MACROD2: variants seen among roughly 807,000 people sequenced by gnomAD.
MACROD2 encodes mono-ADP ribosylhydrolase 2.
MACROD2 carries 36 observed loss-of-function variants against 70.4 expected under a neutral mutation model. That is an observed-to-expected ratio of 0.51 (90% CI 0.39 to 0.68). The LOEUF is 0.68. Ranked by LOEUF, MACROD2 falls within the 30% of genes least tolerant of loss-of-function variation. The pLI is 0.00. For synonymous variants in MACROD2, 172 were observed against 178.8 expected (o/e 0.96, Z 0.30); for missense variants, 496 against 538.4 (o/e 0.92, Z 0.78).
At chr20:16,001,060 A>T (rs1193149864) in intron 15 of MACROD2, among the ~76,000 whole-genome samples, 2 of 152,206 alleles carry the variant, frequency 1.3e-5, no homozygotes, top group East Asian at 3.8e-4. Context: ...TCCAGATCCT[A>T]CTGATTGTGC....
intron 6 of MACROD2, among the ~76,000 whole-genome samples, chr20:15,261,543 G>A (rs2077249591): frequency 6.6e-6 from 1 of 151,830 alleles, no homozygotes; most frequent in South Asian, 2.1e-4. Flanking sequence ...AATCAATCCT[G>A]AACAATTTTT....
rs953250267 is a variant in MACROD2, at chr20:15,322,034, G to A, written c.540+91973G>A. On this transcript the variant is annotated intron_variant, in intron 6 of 17. Coordinates refer to ENST00000684519, the MANE Select transcript of MACROD2 (RefSeq NM_001351661.2). ...TCTCAATCTCTTGACCTTGTGATCTGCCCGCCTCGGCCTCCCAAAGTGCTG... is the reference window on the plus strand; with the variant it reads ...TCTCAATCTCTTGACCTTGTGATCTACCCGCCTCGGCCTCCCAAAGTGCTG... Among the ~76,000 whole-genome samples the A allele has an allele frequency of 2.1e-5, 3 of 143,428 alleles. 1 individual carries two copies. Among genetic ancestry groups the A allele is most frequent in the African/African-American group, 7.5e-5 (3 of 40,078 alleles). The allele number at this position is 143,428 out of a possible 152,430, so 94.1% of individuals were successfully genotyped here.
chr20:15,909,539 T>G (rs2065202006), intron 10 of MACROD2, among the ~76,000 whole-genome samples: 1 of 134,494 alleles, frequency 7.4e-6, no homozygotes, highest in South Asian at 2.4e-4. Context: ...TTTTTTTTTT[T>G]TTGAGACGGA....
chr20:14,146,791 A>T (rs1050991007), intron 3 of MACROD2, among the ~76,000 whole-genome samples: 4 of 152,164 alleles, frequency 2.6e-5, no homozygotes, highest in African/African-American at 9.7e-5. Context: ...AGACATCAAG[A>T]GGTTAAAGTC....
chr20:15,185,803 T>A (rs1312640431), intron 5 of MACROD2, among the ~76,000 whole-genome samples: 2 of 152,166 alleles, frequency 1.3e-5, no homozygotes, highest in Non-Finnish European at 2.9e-5. Context: ...GCTAAATAAG[T>A]CTTATTCTAA....
chr20:14,659,350 C>G (rs1271872879), intron 4 of MACROD2, among the ~76,000 whole-genome samples: 2 of 152,014 alleles, frequency 1.3e-5, no homozygotes, highest in Non-Finnish European at 2.9e-5. Context: ...ATTCATTAAT[C>G]TCTATTCATT....
At chr20:14,425,030 G>A (rs536815458) in intron 3 of MACROD2, among the ~76,000 whole-genome samples, 5 of 152,194 alleles carry the variant, frequency 3.3e-5, no homozygotes, top group Non-Finnish European at 7.4e-5. Context: ...CTTTGAACAC[G>A]CAAAACAATA....
At chr20:15,053,050 G>A (rs1258186727) in intron 5 of MACROD2, among the ~76,000 whole-genome samples, 2 of 152,200 alleles carry the variant, frequency 1.3e-5, no homozygotes, top group African/African-American at 4.8e-5. Flanking sequence ...GTTCTGTGAA[G>A]TTTGAGAAAG....
intron 8 of MACROD2, among the ~76,000 whole-genome samples, chr20:15,715,529 G>A (rs935598089): frequency 6.6e-6 from 1 of 151,980 alleles, no homozygotes; most frequent in Non-Finnish European, 1.5e-5. Flanking sequence ...GATAATCAAG[G>A]CTCCATCACT....
chr20:15,205,251 A>G lies in MACROD2; in HGVS notation c.419-24689A>G, dbSNP rs56212487. Among the ~76,000 whole-genome samples, 555 of 152,294 alleles carry G rather than the reference A, an allele frequency of 3.6e-3. 3 individuals are homozygous for G. The highest frequency in any genetic ancestry group is 8.3e-3 in the African/African-American group (344 of 41,570). ...TCCCATAGCTTGTCTGCTATTTTCA[A>G]CACACACTATGGCATGACTCAGTCA... On this transcript the variant is annotated intron_variant, in intron 5 of 17. Coordinates refer to ENST00000684519, the MANE Select transcript of MACROD2 (RefSeq NM_001351661.2).
intron 6 of MACROD2, among the ~76,000 whole-genome samples, chr20:15,337,351 G>A (rs1441822105): frequency 6.6e-6 from 1 of 151,642 alleles, no homozygotes; most frequent in Non-Finnish European, 1.5e-5. Context: ...GCCTGATCTA[G>A]GAAAGACTTC....
intron 4 of MACROD2, among the ~76,000 whole-genome samples, chr20:14,579,244 C>T (rs1015528953): frequency 6.6e-6 from 1 of 150,846 alleles, no homozygotes; most frequent in East Asian, 2.0e-4. Flanking sequence ...CGGGTTCACG[C>T]CATTCTCCTG....
chr20:14,385,071 C>A (rs558634476), intron 3 of MACROD2, among the ~76,000 whole-genome samples: 2 of 152,100 alleles, frequency 1.3e-5, no homozygotes, highest in South Asian at 4.1e-4. Context: ...TAGAAGCCAT[C>A]AAATTGGGGA....
At chr20:15,537,736 AGTGC>A (rs1334497158) in intron 8 of MACROD2, among the ~76,000 whole-genome samples, 1 of 152,070 alleles carries the variant, frequency 6.6e-6, no homozygotes, top group African/African-American at 2.4e-5. Flanking sequence ...GGCCTCCCAA[AGTGC>A]TGGGATTACA....
chr20:14,705,809 A>G (rs1405914775), intron 5 of MACROD2, among the ~76,000 whole-genome samples: 1 of 152,156 alleles, frequency 6.6e-6, no homozygotes, highest in African/African-American at 2.4e-5. Context: ...TTCAAACATT[A>G]ATGATTCTAG....
intron 15 of MACROD2, among the ~76,000 whole-genome samples, chr20:16,007,353 T>C (rs1452905583): frequency 2.6e-5 from 4 of 152,166 alleles, no homozygotes; most frequent in Non-Finnish European, 5.9e-5. Context: ...ACCAGTTGCA[T>C]TGGTGCAGAG....
chr20:14,759,039 A>G (rs188129294), intron 5 of MACROD2, among the ~76,000 whole-genome samples: 3 of 152,168 alleles, frequency 2.0e-5, no homozygotes, highest in East Asian at 3.9e-4. Context: ...TACCTTGCTT[A>G]ATTATATGCT....
intron 8 of MACROD2, among the ~76,000 whole-genome samples, chr20:15,564,202 C>T (rs1286813513): frequency 6.6e-6 from 1 of 152,176 alleles, no homozygotes; most frequent in Non-Finnish European, 1.5e-5. Context: ...ATATTAAAAT[C>T]CAGCCCCAAA....
At chr20:15,583,123 C>G (rs146254325) in intron 8 of MACROD2, among the ~76,000 whole-genome samples, 153 of 152,234 alleles carry the variant, frequency 1.0e-3, no homozygotes, top group East Asian at 7.5e-3. Context: ...TCCATTTATC[C>G]TTTCCAAACC....
Sources: allele counts gnomAD v4.1 joint callset (sites outside exome capture counted in the v4.1 genomes callset), GRCh38; gene constraint gnomAD v4.1.1; transcripts MANE v1.5; gene names NCBI Gene and HGNC (gene_info 2026-07-23, HGNC 2026-07-21).